SHQ1: variants seen among roughly 807,000 people sequenced by gnomAD.
SHQ1 encodes the protein protein SHQ1 homolog.
Under a neutral mutation model 53.8 loss-of-function variants are expected in SHQ1, and 49 were observed. The observed-to-expected ratio is 0.91, with a 90% CI of 0.72 to 1.16. The LOEUF is 1.16. Among genes scored for constraint, SHQ1 ranks in the 50% most tolerant of loss-of-function variants. The pLI is 0.00. For missense variants in SHQ1, 738 were observed against 683.1 expected (o/e 1.08, Z -0.90); for synonymous variants, 243 against 251.0 (o/e 0.97, Z 0.30).
chr3:72,839,883 C>G (rs1708113315), intron 4 of SHQ1, among the ~76,000 whole-genome samples: 2 of 151,918 alleles, frequency 1.3e-5, no homozygotes, highest in African/African-American at 4.8e-5. Flanking sequence ...GCCTCAGCCT[C>G]CTGAGTAGCT....
At chr3:72,824,688 ATATTTAC>A (rs1174900831) in intron 5 of SHQ1, 137 bp from the exon 6 acceptor site, 1 of 1,032,010 alleles carries the variant, frequency 9.7e-7, no homozygotes, top group Non-Finnish European at 1.3e-6. Context: ...ACTGAACACT[ATATTTAC>A]TTTCTTTGTA....
At chr3:72,757,219 G>GC (rs1705514701) in intron 10 of SHQ1, among the ~76,000 whole-genome samples, 2 of 152,238 alleles carry the variant, frequency 1.3e-5, no homozygotes, top group African/African-American at 4.8e-5. Context: ...TGAGACTAGA[G>GC]CCCACAATTG....
chr3:72,733,259 T>G, the SHQ1 span, among the ~76,000 whole-genome samples: 3 of 151,526 alleles, frequency 2.0e-5, no homozygotes, highest in Non-Finnish European at 4.4e-5. Flanking sequence ...CAAAGCTTTG[T>G]TCCTGGATCC....
intron 9 of SHQ1, among the ~76,000 whole-genome samples, chr3:72,802,645 C>T (rs1459820398): frequency 1.3e-5 from 2 of 152,158 alleles, no homozygotes; most frequent in African/African-American, 4.8e-5. Flanking sequence ...GGGAATACCG[C>T]TCCTCCACAT....
Position 72,796,375 on chromosome 3 carries a change from T to C in SHQ1, c.1061-3339A>G, listed in dbSNP as rs1575700387. Among the ~76,000 whole-genome samples the C allele has an allele frequency of 2.0e-5, 3 of 152,098 alleles. No individual in the cohort carries two copies. The South Asian group carries it at 6.2e-4, about 32-fold the overall frequency. ...TATGGAGTTAAGGTCACATATTTAA[T>C]GAGGATCCACAGCAGCCATTACCTG... On this transcript the variant is annotated intron_variant, in intron 9 of 10. Coordinates refer to ENST00000325599, the MANE Select transcript of SHQ1 (RefSeq NM_018130.3).
intron 6 of SHQ1, among the ~76,000 whole-genome samples, chr3:72,818,359 T>A (rs1456406000): frequency 1.3e-5 from 2 of 152,180 alleles, no homozygotes; most frequent in East Asian, 3.9e-4. Flanking sequence ...GCAATAAATA[T>A]CCTTATCCTA....
chr3:72,725,609 C>T, the SHQ1 span, among the ~76,000 whole-genome samples: 2 of 152,166 alleles, frequency 1.3e-5, no homozygotes, highest in Middle Eastern at 3.2e-3. Context: ...GCTTGTTTAC[C>T]TATGCCAGGT....
At chr3:72,835,096 C>T (rs1707948032) in intron 4 of SHQ1, among the ~76,000 whole-genome samples, 1 of 151,184 alleles carries the variant, frequency 6.6e-6, no homozygotes, top group Non-Finnish European at 1.5e-5. Context: ...TACCATTCCT[C>T]CATCAGCTTC....
At chr3:72,735,497 T>A in the SHQ1 span, among the ~76,000 whole-genome samples, 2 of 138,262 alleles carry the variant, frequency 1.4e-5, no homozygotes, top group Non-Finnish European at 3.1e-5. Context: ...CCACTGTGTC[T>A]ACATAATGTT....
intron 10 of SHQ1, among the ~76,000 whole-genome samples, chr3:72,776,266 G>A (rs1705956313): frequency 6.6e-6 from 1 of 152,138 alleles, no homozygotes; most frequent in East Asian, 1.9e-4. Flanking sequence ...AACTACATAT[G>A]GTGGTCCCAT....
At chr3:72,840,837 G>C (rs575848639) in intron 4 of SHQ1, among the ~76,000 whole-genome samples, 1 of 152,290 alleles carries the variant, frequency 6.6e-6, no homozygotes, top group East Asian at 1.9e-4. Context: ...AAGCCACGGG[G>C]TGTCTGTAAG....
chr3:72,829,481 T>C (rs62249866), intron 5 of SHQ1, among the ~76,000 whole-genome samples: 33,100 of 152,138 alleles, frequency 0.22, 3,823 homozygotes, highest in Non-Finnish European at 0.24. Context: ...ATGTACTTCA[T>C]TCAGACAAAT....
intron 10 of SHQ1, among the ~76,000 whole-genome samples, chr3:72,767,868 G>C (rs1705764719): frequency 6.6e-6 from 1 of 152,220 alleles, no homozygotes; most frequent in Admixed American, 6.5e-5. Context: ...GTTCCTACAA[G>C]AACTGGATGC....
downstream of SHQ1, among the ~76,000 whole-genome samples, chr3:72,744,948 C>CTT (rs1389571282): frequency 1.4e-5 from 2 of 147,114 alleles, no homozygotes; most frequent in African/African-American, 2.5e-5. Context: ...GTTTCTGCAT[C>CTT]TTTAAGGATT....
At chr3:72,815,786 A>G (rs924710555) in intron 7 of SHQ1, among the ~76,000 whole-genome samples, 1 of 152,182 alleles carries the variant, frequency 6.6e-6, no homozygotes, top group African/African-American at 2.4e-5. Context: ...GATAATGTTG[A>G]AGTATTACCT....
At chr3:72,772,837 A>T (rs976767326) in intron 10 of SHQ1, 25 of 770,766 alleles carry the variant, frequency 3.2e-5, no homozygotes, top group Non-Finnish European at 5.6e-5. Flanking sequence ...GAATGAGCCT[A>T]TATCTAAAGT....
At chr3:72,747,943 C>T (rs1384372117), downstream of SHQ1, among the ~76,000 whole-genome samples, 1 of 151,528 alleles carries the variant, frequency 6.6e-6, no homozygotes, top group Non-Finnish European at 1.5e-5. Flanking sequence ...GAGCTGAGAT[C>T]ATATCACTGC....
intron 10 of SHQ1, among the ~76,000 whole-genome samples, chr3:72,762,460 ATT>A (rs1326245510): frequency 1.3e-5 from 2 of 152,140 alleles, no homozygotes; most frequent in Non-Finnish European, 2.9e-5. Context: ...AATTTGCCAC[ATT>A]TCTCTCTACT....
intron 5 of SHQ1, among the ~76,000 whole-genome samples, chr3:72,832,109 TG>T (rs1250624497): frequency 6.6e-5 from 10 of 152,196 alleles, no homozygotes; most frequent in African/African-American, 2.4e-4. Flanking sequence ...TTTTTAAGCC[TG>T]GCGAGAAAAA....
Sources: allele counts gnomAD v4.1 joint callset (sites outside exome capture counted in the v4.1 genomes callset), GRCh38; gene constraint gnomAD v4.1.1; transcripts MANE v1.5; gene names NCBI Gene and HGNC (gene_info 2026-07-23, HGNC 2026-07-21).